The following PTPRD variants were observed in gnomAD, a reference collection of about 807,000 sequenced individuals.
PTPRD encodes receptor-type tyrosine-protein phosphatase delta.
Under a neutral mutation model 214.5 loss-of-function variants are expected in PTPRD, and 34 were observed. The ratio of observed to expected loss-of-function variants is 0.16; its 90% confidence interval spans 0.12 to 0.21. The LOEUF (loss-of-function observed/expected upper bound fraction) is 0.21. PTPRD is among the 10% of genes least tolerant of loss of function. PTPRD has a pLI of 1.00. For synonymous variants in PTPRD, 1,128 were observed against 845.7 expected (o/e 1.33, Z -5.79); for missense variants, 2,545 against 2,398.7 (o/e 1.06, Z -1.27).
At chr9:9,674,011 G>C (rs1400489028) in intron 7 of PTPRD, among the ~76,000 whole-genome samples, 1 of 151,802 alleles carries the variant, frequency 6.6e-6, no homozygotes, top group East Asian at 1.9e-4. Context: ...TAGTCTCCCA[G>C]ATCTTGTTGG....
intron 45 of PTPRD, 29 bp downstream of exon 45, chr9:8,319,802 G>A (rs764014552): frequency 1.2e-6 from 2 of 1,611,372 alleles, no homozygotes; most frequent in African/African-American, 1.3e-5. Flanking sequence ...AGGCTCTTGA[G>A]ATGCGAAAAA....
At chr9:10,361,944 G>C (rs2097400833) in intron 2 of PTPRD, among the ~76,000 whole-genome samples, 1 of 152,156 alleles carries the variant, frequency 6.6e-6, no homozygotes, top group Non-Finnish European at 1.5e-5. Context: ...AAAAGAAAAA[G>C]TTATCTCTGA....
At chr9:8,425,885 C>T (rs1407766948) in intron 35 of PTPRD, among the ~76,000 whole-genome samples, 1 of 152,030 alleles carries the variant, frequency 6.6e-6, no homozygotes, top group Non-Finnish European at 1.5e-5. Context: ...AGTGAAAATA[C>T]CTTTTTTTGA....
intron 9 of PTPRD, among the ~76,000 whole-genome samples, chr9:9,233,205 G>T (rs990820269): frequency 1.3e-5 from 2 of 152,264 alleles, no homozygotes; most frequent in African/African-American, 4.8e-5. Context: ...TCACAGTCAT[G>T]GCAGAAGGCA....
intron 5 of PTPRD, among the ~76,000 whole-genome samples, chr9:9,776,967 T>G (rs2154486503): frequency 6.6e-6 from 1 of 152,336 alleles, no homozygotes; most frequent in African/African-American, 2.4e-5. Flanking sequence ...ATCAATTTTC[T>G]AGTCATTTAC....
Position 8,521,439 on chromosome 9 carries a change from C to G in PTPRD, c.799G>C (p.Val267Leu), listed in dbSNP as rs768306792. 4 of 1,614,056 alleles carry G rather than the reference C, an allele frequency of 2.5e-6. No individual in the cohort carries two copies. The highest frequency in any genetic ancestry group is 2.5e-6 in the Non-Finnish European group (3 of 1,179,942). Residue 267 changes from valine (V) to leucine (L), a missense_variant, in exon 20 of 46, where the codon GTA (valine) becomes CTA (leucine). By Grantham distance (32) the Val-to-Leu change is conservative. Coordinates refer to ENST00000381196, the MANE Select transcript of PTPRD (RefSeq NM_002839.4). ...TCTTCTGCCCCCAACATCCACTTTA[C>G]ATAAGGCATTGGTGACCCCACGGCC... ...CVAVGSPMPY[V>L]KWMLGAEDLT... is the part of the protein sequence containing the mutation.
chr9:9,730,439 A>G (rs2098168703), intron 7 of PTPRD, among the ~76,000 whole-genome samples: 1 of 152,116 alleles, frequency 6.6e-6, no homozygotes, highest in Non-Finnish European at 1.5e-5. Flanking sequence ...TTACAGGTAT[A>G]AAAGATATGT....
chr9:8,698,467 T>C (rs2097983178), intron 12 of PTPRD, among the ~76,000 whole-genome samples: 1 of 152,224 alleles, frequency 6.6e-6, no homozygotes, highest in African/African-American at 2.4e-5. Flanking sequence ...ATGTTACAAA[T>C]GTAAAGGTGG....
intron 39 of PTPRD, among the ~76,000 whole-genome samples, chr9:8,366,453 C>T (rs1196755163): frequency 6.6e-6 from 1 of 151,976 alleles, no homozygotes; most frequent in East Asian, 1.9e-4. Context: ...AAAAGCAAGA[C>T]TGCTCATGTC....
At chr9:9,049,374 G>T (rs2099680185) in intron 10 of PTPRD, among the ~76,000 whole-genome samples, 2 of 152,196 alleles carry the variant, frequency 1.3e-5, no homozygotes, top group Admixed American at 1.3e-4. Flanking sequence ...CAGTTTTGGT[G>T]TAGTTTGTAG....
intron 33 of PTPRD, 50 bp downstream of exon 33, chr9:8,460,360 CA>C: frequency 1.2e-6 from 2 of 1,602,466 alleles, no homozygotes; most frequent in Non-Finnish European, 1.7e-6. Flanking sequence ...ATCAAGTCTT[CA>C]AAAATAAGGC....
At chr9:9,816,200 G>C (rs1380153132) in intron 5 of PTPRD, among the ~76,000 whole-genome samples, 1 of 152,042 alleles carries the variant, frequency 6.6e-6, no homozygotes, top group Non-Finnish European at 1.5e-5. Flanking sequence ...TCTGAAAGAA[G>C]CAGACAATTT....
chr9:10,189,480 T>G (rs367545370), intron 3 of PTPRD, among the ~76,000 whole-genome samples: 12 of 152,248 alleles, frequency 7.9e-5, no homozygotes, highest in East Asian at 5.8e-4. Context: ...ATAAGTTAAA[T>G]TAAGTCACAA....
chr9:8,583,991 A>C (rs1287304811), intron 14 of PTPRD, among the ~76,000 whole-genome samples: 1 of 152,052 alleles, frequency 6.6e-6, no homozygotes, highest in East Asian at 1.9e-4. Context: ...ATCTCTACAA[A>C]AAATATACAA....
In PTPRD at chr9:9,635,024, T is replaced by C. The variant is rs138794509; in HGVS notation, c.-286-60243A>G. On this transcript the variant is annotated intron_variant, in intron 7 of 45. Transcript: ENST00000381196. The stretch of plus-strand genomic sequence containing the variant: ...GATGGATTAGATGTTCAACAATATA[T>C]TGAGTGAATGGTATTTAAAGTTTGA... Among the ~76,000 whole-genome samples the C allele has an allele frequency of 3.2e-4, 49 of 152,280 alleles. No homozygotes were observed. The East Asian group carries it at 9.1e-3, about 28-fold the overall frequency.
intron 11 of PTPRD, among the ~76,000 whole-genome samples, chr9:8,927,608 T>C (rs1021841800): frequency 2.0e-5 from 3 of 152,198 alleles, no homozygotes; most frequent in Non-Finnish European, 2.9e-5. Flanking sequence ...AGTCTATCAT[T>C]GATGGGCACT....
intron 10 of PTPRD, among the ~76,000 whole-genome samples, chr9:9,116,943 A>G (rs1237590909): frequency 6.6e-6 from 1 of 152,150 alleles, no homozygotes; most frequent in Non-Finnish European, 1.5e-5. Flanking sequence ...GACCCATAGT[A>G]TGGATACATA....
chr9:9,241,325 G>T (rs541216340), intron 9 of PTPRD, among the ~76,000 whole-genome samples: 1 of 152,038 alleles, frequency 6.6e-6, no homozygotes. Flanking sequence ...CCAAAATTTG[G>T]AAATTATTTG....
intron 4 of PTPRD, among the ~76,000 whole-genome samples, chr9:10,023,000 A>G (rs1035299628): frequency 6.6e-6 from 1 of 152,204 alleles, no homozygotes; most frequent in Non-Finnish European, 1.5e-5. Context: ...CTCAGAAAAT[A>G]TTGTACTAGA....
Sources: allele counts gnomAD v4.1 joint callset (sites outside exome capture counted in the v4.1 genomes callset), GRCh38; gene constraint gnomAD v4.1.1; transcripts MANE v1.5; gene names NCBI Gene and HGNC (gene_info 2026-07-23, HGNC 2026-07-21).